The following SLC8A1 variants were observed in gnomAD, a reference collection of about 807,000 sequenced individuals.
SLC8A1 encodes solute carrier family 8 member A1.
A neutral mutation model predicts 68.3 loss-of-function variants in SLC8A1; 18 were observed. The ratio of observed to expected loss-of-function variants is 0.26; its 90% confidence interval spans 0.18 to 0.39. The LOEUF (loss-of-function observed/expected upper bound fraction) is 0.39. Among genes scored for constraint, SLC8A1 ranks in the 10% least tolerant of loss-of-function variants. The pLI, the probability that SLC8A1 is intolerant of heterozygous loss-of-function variation, is 1.00. For missense variants in SLC8A1, 985 were observed against 1,156.7 expected (o/e 0.85, Z 2.15); for synonymous variants, 475 against 415.5 (o/e 1.14, Z -1.74).
chr2:40,327,897 T>C (rs1382042713), intron 2 of SLC8A1, among the ~76,000 whole-genome samples: 3 of 151,052 alleles, frequency 2.0e-5, no homozygotes, highest in Non-Finnish European at 4.4e-5. Context: ...CCCATGAATC[T>C]AAAATAAAAG....
intron 2 of SLC8A1, among the ~76,000 whole-genome samples, chr2:40,242,402 C>T (rs62148834): frequency 1.4e-3 from 215 of 152,240 alleles, no homozygotes; most frequent in Non-Finnish European, 2.6e-3. Context: ...TAATTTGTAA[C>T]CTCATTGTTG....
At chr2:40,246,831 T>G (rs2061935373) in intron 2 of SLC8A1, among the ~76,000 whole-genome samples, 1 of 152,196 alleles carries the variant, frequency 6.6e-6, no homozygotes, top group Non-Finnish European at 1.5e-5. Context: ...AGGAATTTTT[T>G]TTATTTAAGT....
At chr2:40,474,348 G>A (rs772695071) in intron 1 of SLC8A1, among the ~76,000 whole-genome samples, 1 of 152,114 alleles carries the variant, frequency 6.6e-6, no homozygotes, top group Non-Finnish European at 1.5e-5. Flanking sequence ...ATGATTACTG[G>A]TTAAAGTACC....
chr2:40,241,505 C>T (rs549468696), intron 2 of SLC8A1, among the ~76,000 whole-genome samples: 2 of 152,344 alleles, frequency 1.3e-5, no homozygotes, highest in South Asian at 4.1e-4. Flanking sequence ...TAAATTCCTT[C>T]CTCACAGGTA....
chr2:40,498,296 C>G (rs1268942970), intron 1 of SLC8A1, among the ~76,000 whole-genome samples: 1 of 152,022 alleles, frequency 6.6e-6, no homozygotes, highest in African/African-American at 2.4e-5. Flanking sequence ...GATGGTAAAA[C>G]AGTACCTGGC....
intron 2 of SLC8A1, among the ~76,000 whole-genome samples, chr2:40,299,110 C>G (rs2070956117): frequency 6.6e-6 from 1 of 152,072 alleles, no homozygotes; most frequent in African/African-American, 2.4e-5. Flanking sequence ...ACCAAGTGAC[C>G]TGGATTTGAG....
chr2:40,177,699 C>T (rs433572), intron 3 of SLC8A1: 709,919 of 1,081,058 alleles, frequency 0.66, 239,294 homozygotes, highest in Middle Eastern at 0.74. Flanking sequence ...TAGGGAGACA[C>T]GGAGAGAGAA....
intron 2 of SLC8A1, among the ~76,000 whole-genome samples, chr2:40,412,872 T>G (rs1268354468): frequency 6.6e-6 from 1 of 152,230 alleles, no homozygotes; most frequent in Non-Finnish European, 1.5e-5. Context: ...TGCTAGAGTG[T>G]AATCTAGGTA....
intron 2 of SLC8A1, chr2:40,250,445 T>G (rs2062558849): frequency 6.6e-6 from 1 of 152,152 alleles, no homozygotes; most frequent in African/African-American, 2.4e-5. Context: ...AGCTGGCACT[T>G]TACAACAGAA....
chr2:40,108,242 A>G (rs1463328639), exon 8 of SLC8A1: 25 of 152,136 alleles, frequency 1.6e-4, no homozygotes, highest in East Asian at 1.9e-4. Context: ...TACAGGTCCA[A>G]TGTATTCTAC....
chr2:40,174,220 T>A (rs1260388336), intron 4 of SLC8A1, among the ~76,000 whole-genome samples: 1 of 152,070 alleles, frequency 6.6e-6, no homozygotes, highest in Non-Finnish European at 1.5e-5. Context: ...ATAAATTATA[T>A]ATTTACATAC....
At chr2:40,414,587 A>T (rs1218918758) in intron 2 of SLC8A1, among the ~76,000 whole-genome samples, 1 of 152,176 alleles carries the variant, frequency 6.6e-6, no homozygotes, top group Admixed American at 6.6e-5. Flanking sequence ...TTCATTATCT[A>T]TCACTTAACT....
chr2:40,498,541 A>C (rs1705856195), intron 1 of SLC8A1, among the ~76,000 whole-genome samples: 1 of 152,080 alleles, frequency 6.6e-6, no homozygotes, highest in African/African-American at 2.4e-5. Context: ...TCTGACCTTC[A>C]CTGGGATTTT....
At chr2:40,119,103 G>A (rs976715440) in intron 7 of SLC8A1, among the ~76,000 whole-genome samples, 3 of 152,152 alleles carry the variant, frequency 2.0e-5, no homozygotes, top group African/African-American at 7.2e-5. Flanking sequence ...CTCAAGCCAT[G>A]TATCAGTAGC....
At chr2:40,330,140 T>C (rs919233442) in intron 2 of SLC8A1, among the ~76,000 whole-genome samples, 3 of 152,210 alleles carry the variant, frequency 2.0e-5, no homozygotes, top group Admixed American at 6.5e-5. Context: ...TCCTACGCTA[T>C]TTATTAGGAC....
intron 2 of SLC8A1, among the ~76,000 whole-genome samples, chr2:40,417,728 G>A (rs1255117498): frequency 6.6e-6 from 1 of 152,126 alleles, no homozygotes; most frequent in Non-Finnish European, 1.5e-5. Flanking sequence ...TAGTCTTTAT[G>A]TTACCAGCAG....
intron 2 of SLC8A1, among the ~76,000 whole-genome samples, chr2:40,287,400 G>C (rs779139834): frequency 6.6e-6 from 1 of 152,092 alleles, no homozygotes; most frequent in East Asian, 1.9e-4. Flanking sequence ...TAGGAGTCAG[G>C]CACTCACAGA....
chr2:40,288,398 T>A (rs1165466364), intron 2 of SLC8A1, among the ~76,000 whole-genome samples: 1 of 152,172 alleles, frequency 6.6e-6, no homozygotes, highest in Non-Finnish European at 1.5e-5. Flanking sequence ...TGGCAGGAGT[T>A]CCACCAGGGA....
At chr2:40,488,342 G>A (rs957978059) in intron 1 of SLC8A1, among the ~76,000 whole-genome samples, 34 of 151,792 alleles carry the variant, frequency 2.2e-4, no homozygotes, top group Non-Finnish European at 1.9e-4. Flanking sequence ...GGGAATTACC[G>A]TGCCATAGAA....
Sources: gnomAD v4.1 joint callset for allele counts (sites outside exome capture counted in the v4.1 genomes callset) on GRCh38, gnomAD v4.1.1 for gene constraint, MANE v1.5 for transcripts, NCBI Gene and HGNC (gene_info 2026-07-23, HGNC 2026-07-21) for gene names.